FBXL17: variants seen among roughly 807,000 people sequenced by gnomAD.
FBXL17 encodes the protein F-box and leucine rich repeat protein 17.
A neutral mutation model predicts 66.2 loss-of-function variants in FBXL17; 22 were observed. The ratio of observed to expected loss-of-function variants is 0.33; its 90% confidence interval spans 0.24 to 0.47. The LOEUF is 0.47. Ranked by LOEUF, FBXL17 falls within the 20% of genes least tolerant of loss-of-function variation. The probability of loss-of-function intolerance (pLI) is 1.00; values close to 1 mark genes in which losing one functional copy is unlikely to be tolerated. For missense variants in FBXL17, 878 were observed against 948.2 expected (o/e 0.93, Z 0.97); for synonymous variants, 474 against 400.5 (o/e 1.18, Z -2.19).
At chr5:108,074,457 A>G (rs1748467620) in intron 6 of FBXL17, among the ~76,000 whole-genome samples, 1 of 151,796 alleles carries the variant, frequency 6.6e-6, no homozygotes, top group Non-Finnish European at 1.5e-5. Context: ...TAGGTGCCCA[A>G]ATAACATTTT....
chr5:108,198,064 T>C (rs981397186), intron 5 of FBXL17, among the ~76,000 whole-genome samples: 15 of 152,150 alleles, frequency 9.9e-5, no homozygotes, highest in African/African-American at 3.6e-4. Flanking sequence ...CTGCAATCTT[T>C]GGGTCTTCCA....
chr5:108,314,977 A>G (rs1013897376), intron 4 of FBXL17, among the ~76,000 whole-genome samples: 1 of 150,898 alleles, frequency 6.6e-6, no homozygotes. Flanking sequence ...TTTATTTACA[A>G]TTTTATGTAA....
chr5:108,296,107 A>T (rs1758339464), intron 4 of FBXL17, among the ~76,000 whole-genome samples: 1 of 151,828 alleles, frequency 6.6e-6, no homozygotes, highest in Non-Finnish European at 1.5e-5. Context: ...GAAATAAGAG[A>T]GTTGTGAGGA....
intron 4 of FBXL17, among the ~76,000 whole-genome samples, chr5:108,254,932 T>C (rs1467559241): frequency 6.6e-6 from 1 of 152,196 alleles, no homozygotes; most frequent in Non-Finnish European, 1.5e-5. Flanking sequence ...CACTATGCAA[T>C]CTGCACAATA....
At chr5:108,196,948 A>G (rs1226504253) in intron 5 of FBXL17, among the ~76,000 whole-genome samples, 2 of 152,164 alleles carry the variant, frequency 1.3e-5, no homozygotes, top group East Asian at 1.9e-4. Context: ...TGAGTAGTTC[A>G]CCAAAATTTT....
chr5:108,243,750 T>A (rs1755967953), intron 4 of FBXL17, among the ~76,000 whole-genome samples: 1 of 152,164 alleles, frequency 6.6e-6, no homozygotes, highest in Admixed American at 6.5e-5. Flanking sequence ...GAAGGCTAAA[T>A]TAAATCTACC....
chr5:108,301,671 T>C (rs1179147602), intron 4 of FBXL17, among the ~76,000 whole-genome samples: 2 of 151,786 alleles, frequency 1.3e-5, no homozygotes, highest in African/African-American at 2.4e-5. Flanking sequence ...ATGTGAGTGA[T>C]AAAATTTTAA....
chr5:108,357,216 CAGA>C (rs1325820952), intron 3 of FBXL17, among the ~76,000 whole-genome samples: 1 of 151,838 alleles, frequency 6.6e-6, no homozygotes, highest in Non-Finnish European at 1.5e-5. Context: ...GAGCAGACTT[CAGA>C]AGAAGAAAAG....
At chr5:108,269,970 T>C (rs1206435951) in intron 4 of FBXL17, among the ~76,000 whole-genome samples, 2 of 151,840 alleles carry the variant, frequency 1.3e-5, no homozygotes, top group Admixed American at 6.6e-5. Flanking sequence ...ATCCCCTCAA[T>C]GGAGATTAGG....
intron 6 of FBXL17, among the ~76,000 whole-genome samples, chr5:108,154,539 A>C (rs1751895691): frequency 6.8e-6 from 1 of 147,074 alleles, no homozygotes; most frequent in Admixed American, 6.8e-5. Context: ...GCGGTGAGCC[A>C]AGATCGCGCC....
At chr5:107,963,573 C>G (rs1478561340) in intron 7 of FBXL17, among the ~76,000 whole-genome samples, 1 of 152,080 alleles carries the variant, frequency 6.6e-6, no homozygotes, top group Non-Finnish European at 1.5e-5. Flanking sequence ...CTTTTCTAAA[C>G]TTGTTTTATT....
chr5:108,093,598 T>C (rs1749266044), intron 6 of FBXL17, among the ~76,000 whole-genome samples: 1 of 152,232 alleles, frequency 6.6e-6, no homozygotes, highest in Admixed American at 6.5e-5. Context: ...CAGTGTTTAC[T>C]GCCTTAGAAG....
chr5:108,101,392 T>C (rs1749594145), intron 6 of FBXL17, among the ~76,000 whole-genome samples: 1 of 152,242 alleles, frequency 6.6e-6, no homozygotes, highest in African/African-American at 2.4e-5. Context: ...TGTTCCACTA[T>C]TCATTACTCC....
intron 8 of FBXL17, among the ~76,000 whole-genome samples, chr5:107,877,362 C>A (rs1748644907): frequency 6.6e-6 from 1 of 152,190 alleles, no homozygotes; most frequent in Admixed American, 6.5e-5. Flanking sequence ...ATACGTTTAA[C>A]TTTTCCCATT....
At chr5:108,188,139 G>A (rs1753314256) in intron 5 of FBXL17, among the ~76,000 whole-genome samples, 1 of 152,086 alleles carries the variant, frequency 6.6e-6, no homozygotes, top group Non-Finnish European at 1.5e-5. Context: ...TGGGAGGGTA[G>A]GAGGTAAATT....
chr5:108,111,579 C>G (rs551447877), intron 6 of FBXL17, among the ~76,000 whole-genome samples: 1 of 152,280 alleles, frequency 6.6e-6, no homozygotes, highest in East Asian at 1.9e-4. Context: ...ATGCTGTATA[C>G]AAGATCTAGT....
intron 6 of FBXL17, among the ~76,000 whole-genome samples, chr5:108,148,442 A>G (rs1414358862): frequency 1.3e-5 from 2 of 152,144 alleles, no homozygotes; most frequent in African/African-American, 4.8e-5. Flanking sequence ...GTGTCCCTTT[A>G]GCGGAGCCCC....
chr5:108,238,114 T>C (rs1755687267), intron 4 of FBXL17, among the ~76,000 whole-genome samples: 1 of 152,182 alleles, frequency 6.6e-6, no homozygotes, highest in Non-Finnish European at 1.5e-5. Context: ...TTTGAAACAG[T>C]AATACAAAAA....
intron 7 of FBXL17, among the ~76,000 whole-genome samples, chr5:107,999,696 G>C (rs1304817190): frequency 6.6e-6 from 1 of 151,968 alleles, no homozygotes; most frequent in Non-Finnish European, 1.5e-5. Context: ...TTTCAAAGAG[G>C]ATATAAGCAA....
Sources: gnomAD v4.1 joint callset for allele counts (sites outside exome capture counted in the v4.1 genomes callset) on GRCh38, gnomAD v4.1.1 for gene constraint, MANE v1.5 for transcripts, NCBI Gene and HGNC (gene_info 2026-07-23, HGNC 2026-07-21) for gene names.